Variants in PRKCG observed in about 807,000 individuals in gnomAD.
PRKCG encodes protein kinase C gamma type.
In PRKCG, 28 loss-of-function variants were observed where a neutral mutation model predicts 82.0. That is an observed-to-expected ratio of 0.34 (90% CI 0.25 to 0.47). PRKCG has a LOEUF of 0.47. Among genes scored for constraint, PRKCG ranks in the 20% least tolerant of loss-of-function variants. PRKCG has a pLI of 1.00. For synonymous variants in PRKCG, 383 were observed against 376.6 expected (o/e 1.02, Z -0.20); for missense variants, 640 against 952.7 (o/e 0.67, Z 4.32).
In PRKCG at chr19:53,892,252, C is replaced by T. The variant is rs997204627; in HGVS notation, c.687-257C>T. ...TACAGAGACTCAGAGAGAGAGATCT[C>T]GAGAGACAAGAGACAGAGATGGGAA... On this transcript the variant is annotated intron_variant, in intron 6 of 17. Transcript: ENST00000263431. The surrounding 1 kb of genome is among the most constrained non-coding windows in gnomAD (Gnocchi z 5.9). Among the ~76,000 whole-genome samples the T allele has an allele frequency of 2.6e-5, 4 of 151,892 alleles. No individual in the cohort carries two copies. The highest frequency in any genetic ancestry group is 2.1e-4 in the South Asian group (1 of 4,814).
intron 3 of PRKCG, among the ~76,000 whole-genome samples, chr19:53,886,693 T>A (rs1599940878): frequency 6.6e-6 from 1 of 152,216 alleles, no homozygotes; most frequent in Admixed American, 6.5e-5. Flanking sequence ...ATTACAGGCG[T>A]GAGCCACTGC....
intron 11 of PRKCG, 81 bp downstream of exon 11, chr19:53,898,709 A>C: frequency 8.2e-7 from 1 of 1,220,778 alleles, no homozygotes; most frequent in Non-Finnish European, 1.1e-6. Context: ...TTCTGAGTTT[A>C]GGGCGAGGCA....
chr19:53,891,539 C>T, intron 5 of PRKCG, 135 bp from the exon 6 acceptor site: 1 of 1,119,376 alleles, frequency 8.9e-7, no homozygotes, highest in Non-Finnish European at 1.3e-6. Context: ...GCCTTGGCCT[C>T]CCAAAGTGCT....
At chr19:53,902,876 G>C (rs1288393809) in intron 14 of PRKCG, among the ~76,000 whole-genome samples, 197 bp from the exon 15 acceptor site, 2 of 110,108 alleles carry the variant, frequency 1.8e-5, no homozygotes, top group Non-Finnish European at 3.3e-5. Context: ...CTGGGCAACA[G>C]AGTGAGACCC....
intron 16 of PRKCG, among the ~76,000 whole-genome samples, chr19:53,906,035 CCTCCTCCCTCCTCCT>C (rs1272419601): frequency 9.4e-5 from 8 of 84,740 alleles, no homozygotes; most frequent in Non-Finnish European, 2.3e-5. Context: ...CCCTCCTCCT[CCTCCTCCCTCCTCCT>C]CCTCCTCCTC....
At position 53,903,157 on chromosome 19, in the gene PRKCG, A is replaced by T. The variant is rs2068777449; in HGVS notation, c.1656+4A>T. ...GTATGAGATGTTGGCAGGACAGGTA[A>T]GGGAAGGTGGGGAGAAGCTGGCTTG... is the stretch of plus-strand genomic sequence containing the variant. On this transcript the variant is annotated splice_donor_region_variant and intron_variant, in intron 15 of 17. Coordinates refer to ENST00000263431, the MANE Select transcript of PRKCG (RefSeq NM_002739.5). 6.2e-7 allele frequency: 1 copy of T among 1,612,862 alleles called. No homozygotes were observed. The highest frequency in any genetic ancestry group is 8.5e-7 in the Non-Finnish European group (1 of 1,178,922).
chr19:53,898,841 G>A (rs2123011736), intron 11 of PRKCG, among the ~76,000 whole-genome samples: 2 of 133,708 alleles, frequency 1.5e-5, no homozygotes, highest in African/African-American at 5.6e-5. Context: ...GGCGTGGCCA[G>A]GCGGAGGGGC....
intron 3 of PRKCG, among the ~76,000 whole-genome samples, chr19:53,887,157 G>T (rs1391972464): frequency 6.6e-6 from 1 of 151,874 alleles, no homozygotes; most frequent in South Asian, 2.1e-4. Flanking sequence ...CTGCAGTCTT[G>T]ACCTCCGGGG....
Position 53,907,145 on chromosome 19 carries a change from G to A in PRKCG, c.*250G>A. 1.2e-6 allele frequency: 1 copy of A among 831,162 alleles called. No homozygotes were observed. Among genetic ancestry groups the A allele is most frequent in the Non-Finnish European group, 1.8e-6 (1 of 550,586 alleles). The allele number at this position is 831,162 out of a possible 1,614,324, so 51.5% of individuals were successfully genotyped here. On this transcript the variant is annotated 3_prime_UTR_variant, in exon 18 of 18. Coordinates refer to ENST00000263431, the MANE Select transcript of PRKCG (RefSeq NM_002739.5). ...ATATTCTCCCTGACCTTAGCGTTCTGGACTCTGCCCCAATCGGGTCCAGAG... is the reference window on the plus strand; with the variant it reads ...ATATTCTCCCTGACCTTAGCGTTCTAGACTCTGCCCCAATCGGGTCCAGAG...
intron 9 of PRKCG, among the ~76,000 whole-genome samples, chr19:53,895,255 A>G (rs1369550502): frequency 2.0e-5 from 3 of 152,098 alleles, no homozygotes; most frequent in Non-Finnish European, 4.4e-5. Flanking sequence ...GATCCTAGTA[A>G]GGCGGGCGGA....
Position 53,904,748 on chromosome 19 carries a change from A to T in PRKCG, c.1764+6A>T. ...CCGTGGCCATCTGCAAGGGGGTGAG[A>T]GCCCCCTGACTCCCAGCTTCTCCAG... On this transcript the variant is annotated splice_donor_region_variant and intron_variant, in intron 16 of 17. Coordinates refer to ENST00000263431, the MANE Select transcript of PRKCG (RefSeq NM_002739.5). The T allele has an allele frequency of 1.2e-6, 2 of 1,607,806 alleles. No homozygotes were observed. Among genetic ancestry groups the T allele is most frequent in the South Asian group, 2.2e-5 (2 of 90,674 alleles).
Position 53,892,752 on chromosome 19 carries a change from GCACACACACACA to G in PRKCG, c.821+127_821+138del. 2 of 1,097,146 alleles carry G rather than the reference GCACACACACACA, an allele frequency of 1.8e-6. No homozygotes were observed. The highest frequency in any genetic ancestry group is 2.6e-5 in the East Asian group (1 of 38,056). The allele number at this position is 1,097,146 out of a possible 1,614,324, so 68.0% of individuals were successfully genotyped here. A position where few individuals can be genotyped will look rare whatever the true frequency, so the allele number is the denominator to read the frequency against. On this transcript the variant is annotated intron_variant, in intron 7 of 17. Coordinates refer to ENST00000263431, the MANE Select transcript of PRKCG (RefSeq NM_002739.5). The surrounding 1 kb of genome is among the most constrained non-coding windows in gnomAD (Gnocchi z 5.9). ...TCCTTCCCTCTGCCTCCCAGCATGCGCACACACACACACACACACACACACACACGCACACAC... is the reference window on the plus strand; with the variant it reads ...TCCTTCCCTCTGCCTCCCAGCATGCGCACACACACACACACACGCACACAC...
At chr19:53,887,685 C>A (rs1028669222) in intron 3 of PRKCG, among the ~76,000 whole-genome samples, 2 of 150,882 alleles carry the variant, frequency 1.3e-5, no homozygotes, top group African/African-American at 4.9e-5. Flanking sequence ...AAAAAATTAG[C>A]CAGGCACGGT....
rs758034841 is a variant in PRKCG, at chr19:53,906,921, C to G, written c.*26C>G. The G allele has an allele frequency of 6.2e-7, 1 of 1,613,208 alleles. No homozygotes were observed. Among genetic ancestry groups the G allele is most frequent in the South Asian group, 1.1e-5 (1 of 91,078 alleles). Reference sequence around the variant, plus strand: ...TCTCACCCGCCGCCACTAGGTGTCCCCAACGTCCCCTCCGCCGTGCCGGCG... The same window carrying G: ...TCTCACCCGCCGCCACTAGGTGTCCGCAACGTCCCCTCCGCCGTGCCGGCG... On this transcript the variant is annotated 3_prime_UTR_variant, in exon 18 of 18. Coordinates refer to ENST00000263431, the MANE Select transcript of PRKCG (RefSeq NM_002739.5).
chr19:53,904,311 G>GT (rs2068785809), intron 15 of PRKCG, among the ~76,000 whole-genome samples: 1 of 151,262 alleles, frequency 6.6e-6, no homozygotes, highest in South Asian at 2.1e-4. Context: ...CTTTTAGGGT[G>GT]TTTCCTGCAG....
chr19:53,887,646 C>T (rs1217911006), intron 3 of PRKCG, among the ~76,000 whole-genome samples: 2 of 148,872 alleles, frequency 1.3e-5, no homozygotes, highest in Non-Finnish European at 1.5e-5. Flanking sequence ...CTGGCTAACG[C>T]GGTGAAACCC....
At chr19:53,893,753 T>C (rs2068697236) in intron 9 of PRKCG, among the ~76,000 whole-genome samples, 1 of 151,778 alleles carries the variant, frequency 6.6e-6, no homozygotes, top group Non-Finnish European at 1.5e-5. Flanking sequence ...TTAAAATTTT[T>C]TAATTTATTT....
rs780263973 is a variant in PRKCG, at chr19:53,906,396, G to A, written c.1844G>A (p.Arg615His). The A allele has an allele frequency of 1.1e-5, 17 of 1,567,398 alleles. No individual in the cohort carries two copies. In the East Asian group the frequency reaches 2.1e-4, roughly 20 times the overall value. ...EPTIRAHGFF[R>H]WIDWERLERL... Reference sequence around the variant, plus strand: ...ACCATCCGTGCACATGGCTTTTTCCGCTGGATTGACTGGGAGCGGCTGGAA... The same window carrying A: ...ACCATCCGTGCACATGGCTTTTTCCACTGGATTGACTGGGAGCGGCTGGAA... The change falls in exon 17 of 18, where the codon CGC becomes CAC. Residue 615 changes from arginine (R) to histidine (H), a missense_variant. Physicochemically the swap from Arg to His is conservative, Grantham distance 29. This residue lies in a region of PRKCG where 198 missense variants were observed against 273.4 expected (regional missense o/e 0.72). Coordinates refer to ENST00000263431, the MANE Select transcript of PRKCG (RefSeq NM_002739.5).
chr19:53,889,998 A>G lies in PRKCG; in HGVS notation c.510A>G (p.Ala170=), dbSNP rs2068660905. 6.4e-7 allele frequency: 1 copy of G among 1,567,608 alleles called. No homozygotes were observed. The highest frequency in any genetic ancestry group is 8.6e-7 in the Non-Finnish European group (1 of 1,158,632). The change falls in exon 5 of 18, where the codon GCA becomes GCG. Residue 170 remains alanine, a synonymous_variant. Coordinates refer to ENST00000263431, the MANE Select transcript of PRKCG (RefSeq NM_002739.5). This position sits in a 1 kb window ranked among gnomAD's most constrained non-coding sequence, Gnocchi z 4.4. ...AGCTGGAGATCCGGGCTCCCACAGCAGATGAGATCCACGTAACTGGTGAGG... is the reference window on the plus strand; with the variant it reads ...AGCTGGAGATCCGGGCTCCCACAGCGGATGAGATCCACGTAACTGGTGAGG... The part of the protein sequence containing the change: ...RLQLEIRAPT[A]DEIHVTVGEA...
Sources: allele counts gnomAD v4.1 joint callset (sites outside exome capture counted in the v4.1 genomes callset), GRCh38; gene constraint gnomAD v4.1.1; regional missense constraint gnomAD v4.1.1; non-coding constraint Gnocchi (gnomAD v3.1); transcripts MANE v1.5; gene names NCBI Gene and HGNC (gene_info 2026-07-23, HGNC 2026-07-21).